Variants in ASS1 observed in about 807,000 individuals in gnomAD.
ASS1 encodes argininosuccinate synthase.
A neutral mutation model predicts 60.5 loss-of-function variants in ASS1; 58 were observed. The ratio of observed to expected loss-of-function variants is 0.96; its 90% CI spans 0.78 to 1.19. The LOEUF is 1.19. ASS1 is among the 50% of genes most tolerant of loss of function. The pLI is 0.00. For synonymous variants in ASS1, 200 were observed against 206.9 expected, an observed-to-expected ratio of 0.97 and a Z score of 0.29; for missense variants, 454 against 547.3, an observed-to-expected ratio of 0.83 and a Z score of 1.70.
intron 12 of ASS1, among the ~76,000 whole-genome samples, chr9:130,493,357 C>T (rs1846498426): frequency 6.6e-6 from 1 of 152,234 alleles, no homozygotes; most frequent in Admixed American, 6.5e-5. Flanking sequence ...ATCCACACAA[C>T]CTCTGGTTAG....
chr9:130,463,150 C>G (rs552109042), intron 4 of ASS1, among the ~76,000 whole-genome samples: 2 of 152,366 alleles, frequency 1.3e-5, no homozygotes, highest in Admixed American at 1.3e-4. Flanking sequence ...TAATTCCCAC[C>G]GCTGCCTGGC....
chr9:130,445,583 G>A (rs1326615273), intron 1 of ASS1, among the ~76,000 whole-genome samples: 1 of 152,142 alleles, frequency 6.6e-6, no homozygotes, highest in East Asian at 1.9e-4. Flanking sequence ...GGCCCTCCCC[G>A]GTGGGGCTGG....
intron 13 of ASS1, among the ~76,000 whole-genome samples, chr9:130,495,504 T>C (rs963932046): frequency 4.2e-4 from 41 of 96,540 alleles, no homozygotes; most frequent in East Asian, 3.5e-3. Flanking sequence ...CACACACATA[T>C]ATATATAAAA....
At chr9:130,479,614 C>A in intron 9 of ASS1, 102 bp from the exon 10 acceptor site, 2 of 922,280 alleles carry the variant, frequency 2.2e-6, no homozygotes, top group Non-Finnish European at 3.6e-6. Flanking sequence ...TCTGTCACAT[C>A]CATTTAAGGC....
rs1845495659 is a variant in ASS1 at position 130,458,331 on chromosome 9, C to A, written c.175-70C>A. 1.0e-5 allele frequency: 16 copies of A among 1,597,754 alleles called. No individual in the cohort carries two copies. The South Asian group carries it at 1.8e-4, about 18-fold the overall frequency. ...GTATAGGTCTCAGCTAGCTGAGGCC[C>A]CTGGGGCTCTGTATGCCAGATGGCC... On this transcript the variant is annotated intron_variant, in intron 3 of 14. Coordinates refer to ENST00000352480, the MANE Select transcript of ASS1 (RefSeq NM_054012.4).
chr9:130,444,772 G>A (rs1845156091), upstream of ASS1, among the ~76,000 whole-genome samples: 1 of 152,018 alleles, frequency 6.6e-6, no homozygotes, highest in East Asian at 2.0e-4. The surrounding 1 kb of genome is among the most constrained non-coding windows in gnomAD (Gnocchi z 4.7). Flanking sequence ...GGAGGCGGGG[G>A]GAGGTGGGGA....
At chr9:130,451,385 G>A (rs901326232) in intron 1 of ASS1, among the ~76,000 whole-genome samples, 2 of 152,148 alleles carry the variant, frequency 1.3e-5, no homozygotes, top group Non-Finnish European at 2.9e-5. Flanking sequence ...CCTGTCTATC[G>A]CCTTCCCTCC....
intron 8 of ASS1, among the ~76,000 whole-genome samples, chr9:130,472,003 C>T (rs1024397337): frequency 6.6e-6 from 1 of 152,176 alleles, no homozygotes; most frequent in African/African-American, 2.4e-5. Context: ...CCCAAGCTTC[C>T]CGGGCGGGCT....
chr9:130,464,036 T>C, intron 4 of ASS1, 75 bp from the exon 5 acceptor site: 2 of 1,537,310 alleles, frequency 1.3e-6, no homozygotes. Flanking sequence ...CGGGCTGTCC[T>C]TGTCCTCACG....
At chr9:130,483,453 C>A (rs1013743796) in intron 11 of ASS1, among the ~76,000 whole-genome samples, 1 of 150,326 alleles carries the variant, frequency 6.7e-6, no homozygotes, top group Non-Finnish European at 1.5e-5. Flanking sequence ...GGGGAAGCCG[C>A]GGCTGGAGTA....
At chr9:130,464,434 G>A (rs1285013999) in intron 5 of ASS1, among the ~76,000 whole-genome samples, 1 of 152,198 alleles carries the variant, frequency 6.6e-6, no homozygotes, top group Non-Finnish European at 1.5e-5. Flanking sequence ...CCACTCTTCA[G>A]CCACATCCCT....
At chr9:130,453,833 C>T (rs542035762) in intron 2 of ASS1, among the ~76,000 whole-genome samples, 11 of 152,340 alleles carry the variant, frequency 7.2e-5, no homozygotes, top group South Asian at 4.1e-4. Flanking sequence ...TTCCTGAGCA[C>T]GGGCTTCTCT....
intron 1 of ASS1, chr9:130,451,739 G>C: frequency 2.4e-6 from 1 of 420,026 alleles, no homozygotes; most frequent in Non-Finnish European, 4.8e-6. Flanking sequence ...AGGTTGTAGT[G>C]GGGGCTCAGG....
intron 13 of ASS1, among the ~76,000 whole-genome samples, chr9:130,495,468 C>CAT (rs771219451): frequency 3.9e-5 from 4 of 102,214 alleles, no homozygotes; most frequent in African/African-American, 1.2e-4. Flanking sequence ...TATACACATA[C>CAT]ATATACACAC....
At chr9:130,480,138 G>C (rs1374482082) in intron 10 of ASS1, among the ~76,000 whole-genome samples, 1 of 152,248 alleles carries the variant, frequency 6.6e-6, no homozygotes, top group Non-Finnish European at 1.5e-5. Flanking sequence ...CCAGGACACA[G>C]GGAACGGAAG....
Position 130,470,520 on chromosome 9 carries a change from G to A in ASS1, c.496-314G>A, listed in dbSNP as rs559850157. ...GTGGCGGGGCTGGTTGGCTGGTGCC[G>A]GGAGACCTGGCTGGGCATGGCACCT... On this transcript the variant is annotated intron_variant, in intron 6 of 14. Coordinates refer to ENST00000352480, the MANE Select transcript of ASS1 (RefSeq NM_054012.4). This position sits in a 1 kb window ranked among gnomAD's most constrained non-coding sequence, Gnocchi z 4.3. 4.6e-5 allele frequency among the ~76,000 whole-genome samples: 7 copies of A among 152,332 alleles called. No homozygotes were observed. The highest frequency in any genetic ancestry group is 2.1e-4 in the South Asian group (1 of 4,832).
intron 6 of ASS1, among the ~76,000 whole-genome samples, chr9:130,467,519 G>A (rs1316599743): frequency 6.6e-6 from 1 of 152,122 alleles, no homozygotes; most frequent in South Asian, 2.1e-4. Context: ...GTGAGCTCTC[G>A]CTGCAGCCAA....
chr9:130,479,881 T>C (rs771250270), intron 10 of ASS1, 81 bp downstream of exon 10: 7 of 1,460,932 alleles, frequency 4.8e-6, no homozygotes, highest in Admixed American at 1.7e-5. Flanking sequence ...CAGCTAATGG[T>C]TGTGGCTGAG....
downstream of ASS1, chr9:130,501,274 AGTGAGTGTGT>A (rs1367564653): frequency 1.6e-5 from 7 of 446,728 alleles, no homozygotes; most frequent in Non-Finnish European, 2.7e-5. Context: ...TTTTATTTCT[AGTGAGTGTGT>A]GTGTGTGTGT....
Sources: allele counts gnomAD v4.1 joint callset (sites outside exome capture counted in the v4.1 genomes callset), GRCh38; gene constraint gnomAD v4.1.1; non-coding constraint Gnocchi (gnomAD v3.1); transcripts MANE v1.5; gene names NCBI Gene and HGNC (gene_info 2026-07-23, HGNC 2026-07-21).